Variants in YY1 observed in about 807,000 individuals in gnomAD.
YY1 encodes transcriptional repressor protein YY1.
A neutral mutation model predicts 35.6 loss-of-function variants in YY1; 2 were observed. The ratio of observed to expected loss-of-function variants is 0.06; its 90% confidence interval spans 0.02 to 0.18. The LOEUF is 0.18. Ranked by LOEUF, YY1 falls within the 10% of genes least tolerant of loss-of-function variation. The pLI is 1.00. For synonymous variants in YY1, 268 were observed against 238.9 expected (o/e 1.12, Z -1.12); for missense variants, 322 against 573.4 (o/e 0.56, Z 4.48).
At chr14:100,244,911 G>A (rs1342595560) in intron 1 of YY1, among the ~76,000 whole-genome samples, 1 of 150,752 alleles carries the variant, frequency 6.6e-6, no homozygotes, top group Non-Finnish European at 1.5e-5. Flanking sequence ...AGTTTCTTCT[G>A]TATTTATTTT....
intron 1 of YY1, among the ~76,000 whole-genome samples, chr14:100,252,191 C>A (rs1397464011): frequency 6.6e-6 from 1 of 152,140 alleles, no homozygotes; most frequent in East Asian, 1.9e-4. Context: ...TGCTTCTAGC[C>A]TTTCCATTTA....
chr14:100,239,801 TCAGCGGCGGGGCCGGCGCGGCGGG>T lies in YY1; in HGVS notation c.559_582del (p.Ser187_Gly194del), dbSNP rs1188188027. On this transcript the variant is annotated inframe_deletion, in exon 1 of 5. Transcript: ENST00000262238. ...AAGAAGAGCGGCAAGAAGAGTTACC[TCAGCGGCGGGGCCGGCGCGGCGGG>T]CGGCGGCGGCGCCGACCCGGGCAAC... is the stretch of plus-strand genomic sequence containing the variant. The T allele has an allele frequency of 2.0e-6, 3 of 1,508,880 alleles. No homozygotes were observed. Among genetic ancestry groups the T allele is most frequent in the Non-Finnish European group, 2.6e-6 (3 of 1,134,414 alleles). The allele number at this position is 1,508,880 out of a possible 1,614,324, so 93.5% of individuals were successfully genotyped here. A position where few individuals can be genotyped will look rare whatever the true frequency, so the allele number is the denominator to read the frequency against.
intron 1 of YY1, among the ~76,000 whole-genome samples, chr14:100,254,942 T>TTA (rs1346881137): frequency 1.1e-5 from 1 of 92,502 alleles, no homozygotes; most frequent in Non-Finnish European, 2.1e-5. Flanking sequence ...CCCAGCTAAT[T>TTA]TTTTTTTTTT....
At chr14:100,252,233 A>C (rs985071778) in intron 1 of YY1, among the ~76,000 whole-genome samples, 4 of 152,024 alleles carry the variant, frequency 2.6e-5, no homozygotes, top group African/African-American at 9.7e-5. Flanking sequence ...TTTTGACTGG[A>C]AATTGGAGTC....
rs954489377 is a variant in YY1 at position 100,281,854 on chromosome 14, T to C, written c.*4254T>C. 1 of 152,168 alleles carries C rather than the reference T, an allele frequency of 6.6e-6. No individual in the cohort carries two copies. The allele number at this position is 152,168 out of a possible 1,614,324, so 9.4% of individuals were successfully genotyped here. A position where few individuals can be genotyped will look rare whatever the true frequency, so the allele number is the denominator to read the frequency against. On this transcript the variant is annotated 3_prime_UTR_variant, in exon 5 of 5. Coordinates refer to ENST00000262238, the MANE Select transcript of YY1 (RefSeq NM_003403.5). ...CGTCAGGCAAGAGAGGGCTGGCCTC[T>C]GACCCACAAGAGGGCAGATTTGTGG... is the stretch of plus-strand genomic sequence containing the variant.
rs1013263721 is a variant in YY1, at chr14:100,279,000, G to A, written c.*1400G>A. 1 of 152,224 alleles carries A rather than the reference G, an allele frequency of 6.6e-6. No individual in the cohort carries two copies. The highest frequency in any genetic ancestry group is 6.5e-5 in the Admixed American group (1 of 15,282). 9.4% of individuals were successfully genotyped at this position (152,224 alleles called of 1,614,324 possible). ...GTCCTTATTAAATGCTAGCAATGTG[G>A]CAATTGAGTGCCAGTAGCTTAATTT... On this transcript the variant is annotated 3_prime_UTR_variant, in exon 5 of 5. Coordinates refer to ENST00000262238, the MANE Select transcript of YY1 (RefSeq NM_003403.5).
chr14:100,276,856 C>A lies in YY1; in HGVS notation c.1062+208C>A. ...TGTCTATACTCTGTGGTACTGGGTA[C>A]GCAATGTATTGGTGTTGATGGAGTA... On this transcript the variant is annotated intron_variant, in intron 4 of 4. Transcript: ENST00000262238. The surrounding 1 kb of genome is among the most constrained non-coding windows in gnomAD (Gnocchi z 4.1). 1.6e-6 allele frequency: 1 copy of A among 639,944 alleles called. No homozygotes were observed. Among genetic ancestry groups the A allele is most frequent in the Non-Finnish European group, 2.7e-6 (1 of 371,178 alleles). The allele number at this position is 639,944 out of a possible 1,614,324, so 39.6% of individuals were successfully genotyped here.
intron 3 of YY1, chr14:100,275,948 A>T (rs1891311654): frequency 6.3e-6 from 1 of 159,962 alleles, no homozygotes; most frequent in Non-Finnish European, 1.4e-5. Context: ...TGTAGTTGCC[A>T]TTCCTTGGAG....
Position 100,277,768 on chromosome 14 carries a change from ACTTTACT to A in YY1, c.*169_*175del. On this transcript the variant is annotated 3_prime_UTR_variant, in exon 5 of 5. Coordinates refer to ENST00000262238, the MANE Select transcript of YY1 (RefSeq NM_003403.5). The surrounding 1 kb of genome is among the most constrained non-coding windows in gnomAD (Gnocchi z 5.6). ...AAGTAGTAAAAATTAAAAAAAAAAA[ACTTTACT>A]AAGATGACATTGCTAAGATGCTCTA... 1.3e-6 allele frequency: 1 copy of A among 754,986 alleles called. No homozygotes were observed. Among genetic ancestry groups the A allele is most frequent in the Non-Finnish European group, 2.1e-6 (1 of 476,528 alleles). 46.8% of individuals were successfully genotyped at this position (754,986 alleles called of 1,614,324 possible).
At position 100,276,973 on chromosome 14, in the gene YY1, G is replaced by A. The variant is rs911541976; in HGVS notation, c.1062+325G>A. The A allele has an allele frequency of 2.1e-5, 9 of 425,314 alleles. No homozygotes were observed. Among genetic ancestry groups the A allele is most frequent in the Non-Finnish European group, 8.7e-6 (2 of 231,128 alleles). The allele number at this position is 425,314 out of a possible 1,614,324, so 26.3% of individuals were successfully genotyped here. A position where few individuals can be genotyped will look rare whatever the true frequency, so the allele number is the denominator to read the frequency against. On this transcript the variant is annotated intron_variant, in intron 4 of 4. Coordinates refer to ENST00000262238, the MANE Select transcript of YY1 (RefSeq NM_003403.5). The surrounding 1 kb of genome is among the most constrained non-coding windows in gnomAD (Gnocchi z 4.1). ...TACAGGATTGAAGTAATTTATTTTT[G>A]GTAGTTAATAGTATAATTACTAACT...
chr14:100,269,952 A>G (rs537198799), intron 2 of YY1, among the ~76,000 whole-genome samples: 14 of 152,256 alleles, frequency 9.2e-5, no homozygotes, highest in Admixed American at 2.0e-4. Context: ...GAAAATTTCC[A>G]TGATAAAATA....
In YY1 at chr14:100,244,311, C is replaced by A. The variant is rs1414381691; in HGVS notation, c.679+4388C>A. On this transcript the variant is annotated intron_variant, in intron 1 of 4. Transcript: ENST00000262238. The stretch of plus-strand genomic sequence containing the variant: ...ATCCTTAGAGATTGGCTTTTTTTTT[C>A]CTTTTTTACTTTTTTTTTTTTTTTT... 1.2e-4 allele frequency among the ~76,000 whole-genome samples: 16 copies of A among 133,644 alleles called. No homozygotes were observed. The Admixed American group carries it at 1.4e-3, about 11-fold the overall frequency. The allele number at this position is 133,644 out of a possible 152,430, so 87.7% of individuals were successfully genotyped here. A position where few individuals can be genotyped will look rare whatever the true frequency, so the allele number is the denominator to read the frequency against.
intron 1 of YY1, among the ~76,000 whole-genome samples, chr14:100,249,748 G>GTTTTTTTTT (rs57119106): frequency 9.9e-5 from 14 of 141,028 alleles, no homozygotes; most frequent in Admixed American, 2.1e-4. Context: ...GCTACTTACC[G>GTTTTTTTTT]TTTTTTTTTT....
chr14:100,252,847 G>C (rs1052548246), intron 1 of YY1, among the ~76,000 whole-genome samples: 2 of 152,072 alleles, frequency 1.3e-5, no homozygotes, highest in African/African-American at 4.8e-5. Flanking sequence ...AGACTAGCCT[G>C]GGCAACATAG....
intron 1 of YY1, among the ~76,000 whole-genome samples, chr14:100,254,999 A>G (rs1172235363): frequency 1.1e-5 from 1 of 93,828 alleles, no homozygotes; most frequent in Non-Finnish European, 1.9e-5. Context: ...GGATTTCACT[A>G]TGTTGGCCAG....
chr14:100,268,755 A>G (rs1384888993), intron 2 of YY1, among the ~76,000 whole-genome samples: 1 of 152,238 alleles, frequency 6.6e-6, no homozygotes, highest in Non-Finnish European at 1.5e-5. Flanking sequence ...CTTGCAAATG[A>G]CAGCCGTATT....
At chr14:100,260,847 ACG>A (rs1595325542) in intron 1 of YY1, among the ~76,000 whole-genome samples, 2 of 106,730 alleles carry the variant, frequency 1.9e-5, no homozygotes, top group East Asian at 5.6e-4. Flanking sequence ...AGTTGCAGTG[ACG>A]CAGTGACGTG....
intron 1 of YY1, among the ~76,000 whole-genome samples, chr14:100,256,955 C>T (rs1328856017): frequency 6.6e-6 from 1 of 151,608 alleles, no homozygotes; most frequent in Non-Finnish European, 1.5e-5. Context: ...GTCATAAAGT[C>T]TTGTCAGCGT....
intron 1 of YY1, among the ~76,000 whole-genome samples, chr14:100,255,906 G>C (rs1325610256): frequency 6.6e-6 from 1 of 152,122 alleles, no homozygotes; most frequent in Non-Finnish European, 1.5e-5. Flanking sequence ...TTCAGGTTTT[G>C]ATTATAATCC....
Sources: gnomAD v4.1 joint callset for allele counts (sites outside exome capture counted in the v4.1 genomes callset) on GRCh38, gnomAD v4.1.1 for gene constraint, Gnocchi (gnomAD v3.1) non-coding constraint, MANE v1.5 for transcripts, NCBI Gene and HGNC (gene_info 2026-07-23, HGNC 2026-07-21) for gene names.